CPPED1: variants seen among roughly 807,000 people sequenced by gnomAD.
CPPED1 encodes serine/threonine-protein phosphatase CPPED1.
In CPPED1, 28 loss-of-function variants were observed where a neutral mutation model predicts 28.0. The ratio of observed to expected loss-of-function variants is 1.00; its 90% CI spans 0.74 to 1.37. CPPED1 has a LOEUF of 1.37. Ranked by LOEUF, CPPED1 falls within the 40% of genes most tolerant of loss-of-function variation. The pLI, the probability that CPPED1 is intolerant of heterozygous loss-of-function variation, is 0.00. For synonymous variants in CPPED1, 198 were observed against 180.2 expected (o/e 1.10, Z -0.79); for missense variants, 504 against 416.5 (o/e 1.21, Z -1.83).
chr16:12,700,209 G>C (rs574434344), intron 3 of CPPED1, among the ~76,000 whole-genome samples: 2 of 152,346 alleles, frequency 1.3e-5, no homozygotes, highest in South Asian at 2.1e-4. Context: ...TTTAGGTGAA[G>C]ACCCTTAGGC....
rs149094162 is a variant in CPPED1, at chr16:12,764,235, G to A, written c.289+16950C>T. Among the ~76,000 whole-genome samples, 540 of 150,192 alleles carry A rather than the reference G, an allele frequency of 3.6e-3. 5 individuals are homozygous for A. Among genetic ancestry groups the A allele is most frequent in the African/African-American group, 0.012 (507 of 40,860 alleles). ...TTTTTTTCTTTTGAGACAGAGTTTC[G>A]CTCTGTCGCCCAGGCCAGAGTGCAG... is the stretch of plus-strand genomic sequence containing the variant. On this transcript the variant is annotated intron_variant, in intron 2 of 3. Transcript: ENST00000381774.
At chr16:12,748,739 C>A (rs528498565) in intron 2 of CPPED1, among the ~76,000 whole-genome samples, 1 of 151,888 alleles carries the variant, frequency 6.6e-6, no homozygotes, top group Non-Finnish European at 1.5e-5. Flanking sequence ...AAAAATTAGC[C>A]GGTTGTGGTG....
At chr16:12,763,392 C>T (rs1198272201) in intron 2 of CPPED1, among the ~76,000 whole-genome samples, 1 of 152,078 alleles carries the variant, frequency 6.6e-6, no homozygotes, top group Non-Finnish European at 1.5e-5. Context: ...TGTTTTAATA[C>T]TGATTTTGGT....
At chr16:12,678,978 A>G (rs569995375) in intron 3 of CPPED1, among the ~76,000 whole-genome samples, 5 of 152,246 alleles carry the variant, frequency 3.3e-5, no homozygotes, top group Admixed American at 1.3e-4. Flanking sequence ...TCATATTCCT[A>G]TTTTTTAGAC....
At chr16:12,714,114 A>C (rs2080094177) in intron 2 of CPPED1, among the ~76,000 whole-genome samples, 1 of 152,202 alleles carries the variant, frequency 6.6e-6, no homozygotes, top group South Asian at 2.1e-4. Flanking sequence ...TTAGTGCTTC[A>C]TTCTTTAATT....
chr16:12,735,219 G>A (rs910156361), intron 2 of CPPED1, among the ~76,000 whole-genome samples: 1 of 152,096 alleles, frequency 6.6e-6, no homozygotes. Context: ...CTTTCTCTTG[G>A]GAAAAGAGAA....
chr16:12,803,560 G>A (rs932707527), intron 1 of CPPED1, 147 bp downstream of exon 1: 1 of 641,818 alleles, frequency 1.6e-6, no homozygotes, highest in Admixed American at 4.2e-5. Flanking sequence ...CTAAGAGCAG[G>A]CTTTGATGCA....
chr16:12,725,513 A>C (rs1191660315), intron 2 of CPPED1, among the ~76,000 whole-genome samples: 1 of 151,948 alleles, frequency 6.6e-6, no homozygotes, highest in African/African-American at 2.4e-5. Context: ...CCTTTATTCC[A>C]CCACAACCAT....
At chr16:12,728,270 CA>C (rs2080179721) in intron 2 of CPPED1, among the ~76,000 whole-genome samples, 1 of 151,890 alleles carries the variant, frequency 6.6e-6, no homozygotes, top group Admixed American at 6.6e-5. Context: ...CAGTAATAAG[CA>C]TATTAAATGC....
chr16:12,711,764 G>A (rs2080081255), intron 2 of CPPED1, among the ~76,000 whole-genome samples: 1 of 152,054 alleles, frequency 6.6e-6, no homozygotes, highest in African/African-American at 2.4e-5. Flanking sequence ...TGTCCTCTGG[G>A]GATGTTGCCC....
intron 2 of CPPED1, among the ~76,000 whole-genome samples, chr16:12,776,703 G>A (rs2080500105): frequency 6.6e-6 from 1 of 152,118 alleles, no homozygotes. Context: ...GGTGGATCAC[G>A]AGGTCAGGAG....
chr16:12,667,670 A>C (rs971427458), intron 3 of CPPED1, among the ~76,000 whole-genome samples: 1 of 152,216 alleles, frequency 6.6e-6, no homozygotes, highest in Non-Finnish European at 1.5e-5. Context: ...AAAACTGAGG[A>C]AATGATCCAG....
chr16:12,756,350 C>T (rs1055491689), intron 2 of CPPED1, among the ~76,000 whole-genome samples: 23 of 152,130 alleles, frequency 1.5e-4, no homozygotes, highest in Admixed American at 1.4e-3. Context: ...CTGCATCTCA[C>T]GTGGGCAGTT....
chr16:12,682,559 T>C lies in CPPED1; in HGVS notation c.716-17444A>G, dbSNP rs2079911037. Among the ~76,000 whole-genome samples, 1 of 152,058 alleles carries C rather than the reference T, an allele frequency of 6.6e-6. No individual in the cohort carries two copies. The highest frequency in any genetic ancestry group is 1.5e-5 in the Non-Finnish European group (1 of 68,012). ...CTGCTGTTGCTGAGCTGTGTAGGTG[T>C]GGCATGGGCAGCAACATATCTGAAC... On this transcript the variant is annotated intron_variant, in intron 3 of 3. Transcript: ENST00000381774. This position sits in a 1 kb window ranked among gnomAD's most constrained non-coding sequence, Gnocchi z 6.1.
chr16:12,734,825 C>A (rs566563716), intron 2 of CPPED1, among the ~76,000 whole-genome samples: 99 of 152,260 alleles, frequency 6.5e-4, no homozygotes, highest in African/African-American at 2.3e-3. Flanking sequence ...TGAATCAGGA[C>A]TTGCACCCCA....
chr16:12,693,184 G>C (rs775256543), intron 3 of CPPED1, among the ~76,000 whole-genome samples: 40 of 152,218 alleles, frequency 2.6e-4, no homozygotes, highest in East Asian at 1.9e-4. Flanking sequence ...ACAATGTCTG[G>C]CACCCAGGAG....
chr16:12,715,455 T>C (rs145683986), intron 2 of CPPED1, among the ~76,000 whole-genome samples: 21 of 151,670 alleles, frequency 1.4e-4, no homozygotes, highest in African/African-American at 4.8e-4. Flanking sequence ...AGGTCAAGAG[T>C]TCGAGACTAG....
chr16:12,680,970 C>T (rs2079901642), intron 3 of CPPED1, among the ~76,000 whole-genome samples: 1 of 152,094 alleles, frequency 6.6e-6, no homozygotes, highest in Admixed American at 6.5e-5. Flanking sequence ...GATTCATAGC[C>T]TCCTCTTGAG....
chr16:12,689,870 G>A (rs950308070), intron 3 of CPPED1, among the ~76,000 whole-genome samples: 1 of 152,188 alleles, frequency 6.6e-6, no homozygotes, highest in Non-Finnish European at 1.5e-5. Context: ...ACAGGATGCT[G>A]TCAAAAGAAT....
Sources: gnomAD v4.1 joint callset for allele counts (sites outside exome capture counted in the v4.1 genomes callset) on GRCh38, gnomAD v4.1.1 for gene constraint, Gnocchi (gnomAD v3.1) non-coding constraint, MANE v1.5 for transcripts, NCBI Gene and HGNC (gene_info 2026-07-23, HGNC 2026-07-21) for gene names.